Variants in ADAMTS3 observed in about 807,000 individuals in gnomAD.
ADAMTS3 encodes A disintegrin and metalloproteinase with thrombospondin motifs 3.
In ADAMTS3, 73 loss-of-function variants were observed where a neutral mutation model predicts 129.0. The ratio of observed to expected loss-of-function variants is 0.57; its 90% CI spans 0.47 to 0.69. The LOEUF (loss-of-function observed/expected upper bound fraction) is 0.69, where lower values mean the gene tolerates loss of function less well. ADAMTS3 is among the 30% of genes least tolerant of loss of function. The pLI is 0.00. For missense variants in ADAMTS3, 1,457 were observed against 1,514.5 expected (o/e 0.96, Z 0.63); for synonymous variants, 477 against 510.8 (o/e 0.93, Z 0.89).
intron 21 of ADAMTS3, among the ~76,000 whole-genome samples, chr4:72,284,032 G>C (rs1447266740): frequency 2.0e-5 from 3 of 151,992 alleles, no homozygotes; most frequent in Non-Finnish European, 4.4e-5. Context: ...TAACGTTGTG[G>C]TTAAATTTTT....
At chr4:72,408,633 A>G (rs908444659) in intron 4 of ADAMTS3, among the ~76,000 whole-genome samples, 1 of 152,068 alleles carries the variant, frequency 6.6e-6, no homozygotes, top group African/African-American at 2.4e-5. Flanking sequence ...AACCTCCAGA[A>G]ACGTCTGGAT....
chr4:72,433,208 C>T (rs559565999), intron 3 of ADAMTS3, among the ~76,000 whole-genome samples: 1 of 152,068 alleles, frequency 6.6e-6, no homozygotes, highest in Admixed American at 6.6e-5. Context: ...CATTAAGATG[C>T]TAAATAAAGC....
At chr4:72,462,559 A>G (rs1345840797) in intron 3 of ADAMTS3, among the ~76,000 whole-genome samples, 1 of 151,940 alleles carries the variant, frequency 6.6e-6, no homozygotes, top group Non-Finnish European at 1.5e-5. Context: ...TAGGATTCCA[A>G]TGGAGCTGAA....
At chr4:72,535,131 A>G (rs1721154290) in intron 3 of ADAMTS3, among the ~76,000 whole-genome samples, 1 of 152,148 alleles carries the variant, frequency 6.6e-6, no homozygotes. Context: ...TACCATTCTC[A>G]GAGCCAGGTA....
chr4:72,371,589 A>G (rs1052491722), intron 4 of ADAMTS3, among the ~76,000 whole-genome samples: 3 of 152,012 alleles, frequency 2.0e-5, no homozygotes, highest in African/African-American at 7.2e-5. Flanking sequence ...CACTGGGAAG[A>G]CACAGCAATT....
intron 5 of ADAMTS3, chr4:72,330,835 A>G (rs911190855): frequency 5.9e-5 from 9 of 152,200 alleles, no homozygotes; most frequent in African/African-American, 2.2e-4. Context: ...GAGGTCCTAC[A>G]AACTCTTGTG....
intron 3 of ADAMTS3, among the ~76,000 whole-genome samples, chr4:72,506,851 T>G (rs961131543): frequency 2.0e-5 from 3 of 152,214 alleles, no homozygotes; most frequent in Non-Finnish European, 4.4e-5. Flanking sequence ...ATCTGGGATG[T>G]CCTTCATGAT....
chr4:72,439,247 T>C (rs1338707114), intron 3 of ADAMTS3, among the ~76,000 whole-genome samples: 4 of 151,702 alleles, frequency 2.6e-5, no homozygotes, highest in African/African-American at 7.2e-5. Flanking sequence ...AAAATACAGT[T>C]TGAAATCTTA....
intron 3 of ADAMTS3, among the ~76,000 whole-genome samples, chr4:72,523,006 CTCT>C (rs1720713651): frequency 6.6e-6 from 1 of 152,004 alleles, no homozygotes; most frequent in Non-Finnish European, 1.5e-5. Context: ...TTAGACTAGT[CTCT>C]TCTATCAAAA....
chr4:72,409,473 T>A (rs995331302), intron 4 of ADAMTS3, among the ~76,000 whole-genome samples: 3 of 152,168 alleles, frequency 2.0e-5, no homozygotes, highest in Admixed American at 6.6e-5. Context: ...GTTCTCTTTC[T>A]CCATTAATGC....
chr4:72,364,664 AAC>A (rs1429697095), intron 4 of ADAMTS3, among the ~76,000 whole-genome samples: 1 of 152,306 alleles, frequency 6.6e-6, no homozygotes, highest in Admixed American at 6.5e-5. Flanking sequence ...AAATGAAAAA[AAC>A]AGAGTTATGT....
At chr4:72,529,681 A>C (rs1720912232) in intron 3 of ADAMTS3, among the ~76,000 whole-genome samples, 2 of 125,890 alleles carry the variant, frequency 1.6e-5, no homozygotes, top group East Asian at 4.2e-4. Flanking sequence ...AATATTATTT[A>C]TATATTAAAT....
chr4:72,348,740 G>A (rs1363963997), intron 4 of ADAMTS3, among the ~76,000 whole-genome samples: 1 of 151,796 alleles, frequency 6.6e-6, no homozygotes. Context: ...ATGTACCATT[G>A]CTGGCTCTGG....
chr4:72,302,379 G>A (rs1718974403), intron 17 of ADAMTS3, among the ~76,000 whole-genome samples: 2 of 151,456 alleles, frequency 1.3e-5, no homozygotes, highest in South Asian at 2.1e-4. Context: ...TTACTGGATA[G>A]GCTCAAGGAC....
intron 17 of ADAMTS3, among the ~76,000 whole-genome samples, chr4:72,301,693 C>A (rs1472727616): frequency 6.6e-6 from 1 of 150,546 alleles, no homozygotes; most frequent in Admixed American, 6.6e-5. Context: ...TAAAACTGGG[C>A]AAAATATTTG....
At chr4:72,566,429 C>T (rs1401152) in intron 2 of ADAMTS3, among the ~76,000 whole-genome samples, 146,302 of 152,278 alleles carry the variant, frequency 0.96, 70,549 homozygotes, top group East Asian at 1. Context: ...GTTGACATAA[C>T]ACATGAAACA....
chr4:72,539,491 G>GAACAAA (rs1721265764), intron 3 of ADAMTS3, among the ~76,000 whole-genome samples: 1 of 86,602 alleles, frequency 1.2e-5, no homozygotes, highest in African/African-American at 4.3e-5. Context: ...GCTACTATCA[G>GAACAAA]AAAAAAAAAA....
At chr4:72,538,143 C>T (rs1721228598) in intron 3 of ADAMTS3, among the ~76,000 whole-genome samples, 1 of 152,138 alleles carries the variant, frequency 6.6e-6, no homozygotes, top group African/African-American at 2.4e-5. Context: ...ACCTGTGGAA[C>T]ACCATTAAGC....
chr4:72,336,992 G>A (rs1343300355), intron 5 of ADAMTS3, among the ~76,000 whole-genome samples: 1 of 152,042 alleles, frequency 6.6e-6, no homozygotes, highest in Non-Finnish European at 1.5e-5. Flanking sequence ...ATACACTTAA[G>A]TATATGCAAT....
Sources: allele counts gnomAD v4.1 joint callset (sites outside exome capture counted in the v4.1 genomes callset), GRCh38; gene constraint gnomAD v4.1.1; transcripts MANE v1.5; gene names NCBI Gene and HGNC (gene_info 2026-07-23, HGNC 2026-07-21).